EPN2: variants seen among roughly 807,000 people sequenced by gnomAD.
EPN2 encodes epsin-2.
In EPN2, 34 loss-of-function variants were observed where a neutral mutation model predicts 61.7. That is an observed-to-expected ratio of 0.55 (90% CI 0.42 to 0.73). The LOEUF (loss-of-function observed/expected upper bound fraction) is 0.73. Ranked by LOEUF, EPN2 falls within the 30% of genes least tolerant of loss-of-function variation. The probability of loss-of-function intolerance (pLI) is 0.00; values close to 1 mark genes in which losing one functional copy is unlikely to be tolerated. For synonymous variants in EPN2, 349 were observed against 353.6 expected, an observed-to-expected ratio of 0.99 and a Z score of 0.15; for missense variants, 714 against 839.2, an observed-to-expected ratio of 0.85 and a Z score of 1.84.
At chr17:19,305,915 G>A (rs1194901539) in intron 4 of EPN2, 1 of 152,204 alleles carries the variant, frequency 6.6e-6, no homozygotes, top group Non-Finnish European at 1.5e-5. Context: ...GTGACAGACT[G>A]GAAAGGATAG....
intron 1 of EPN2, among the ~76,000 whole-genome samples, chr17:19,276,780 T>G (rs1364979783): frequency 4.0e-5 from 6 of 150,072 alleles, no homozygotes; most frequent in Non-Finnish European, 7.4e-5. Flanking sequence ...TAAGTTTTTT[T>G]TTTTTTTTTT....
rs532101101 is a variant in EPN2, at chr17:19,264,081, T to C, written c.-293-17874T>C. Among the ~76,000 whole-genome samples, 4 of 152,304 alleles carry C rather than the reference T, an allele frequency of 2.6e-5. No homozygotes were observed. In the South Asian group the frequency reaches 8.3e-4, roughly 32 times the overall value. ...GTTGTCAGTGCTGGAAACGCGCCCC[T>C]TTATTATTATTTTTCTAAACAAAGC... is the stretch of plus-strand genomic sequence containing the variant. On this transcript the variant is annotated intron_variant, in intron 1 of 10. Transcript: ENST00000314728.
chr17:19,292,562 T>C (rs996329038), intron 4 of EPN2, among the ~76,000 whole-genome samples: 6 of 152,376 alleles, frequency 3.9e-5, no homozygotes, highest in Admixed American at 3.3e-4. Context: ...AATTGAGTCA[T>C]GGAGGAAGCT....
At chr17:19,246,799 C>T (rs6587062) in intron 1 of EPN2, among the ~76,000 whole-genome samples, 8,403 of 123,866 alleles carry the variant, frequency 0.068, 582 homozygotes, top group South Asian at 0.22. Flanking sequence ...AGCGGAGTCT[C>T]GCTCTGTCAC....
At chr17:19,259,406 G>A (rs1050818947) in intron 1 of EPN2, among the ~76,000 whole-genome samples, 7 of 140,086 alleles carry the variant, frequency 5.0e-5, no homozygotes, top group Non-Finnish European at 7.5e-5. Flanking sequence ...TCCACCTCCC[G>A]GGTTCACACC....
At chr17:19,310,877 C>A (rs1483154858) in intron 5 of EPN2, among the ~76,000 whole-genome samples, 1 of 152,088 alleles carries the variant, frequency 6.6e-6, no homozygotes, top group Non-Finnish European at 1.5e-5. Flanking sequence ...CGTGCCTGGC[C>A]CCCATTTTTC....
At chr17:19,322,475 G>A (rs1906684266) in intron 7 of EPN2, among the ~76,000 whole-genome samples, 2 of 152,006 alleles carry the variant, frequency 1.3e-5, no homozygotes, top group South Asian at 2.1e-4. Context: ...CAGGTGCAGT[G>A]TCTCCTTGCG....
chr17:19,318,728 A>G (rs1369400994), intron 7 of EPN2, among the ~76,000 whole-genome samples: 2 of 151,900 alleles, frequency 1.3e-5, no homozygotes, highest in Admixed American at 6.6e-5. Flanking sequence ...GTGTCAGAAG[A>G]GTCTCTGGAA....
rs567838488 is a variant in EPN2, at chr17:19,250,096, A to T, written c.-294+12565A>T. On this transcript the variant is annotated intron_variant, in intron 1 of 10. Transcript: ENST00000314728. The stretch of plus-strand genomic sequence containing the variant: ...TTAAAGTCAGCTGATTAGAAACTGA[A>T]TTTTTTTTTTTTTTTCAGACGGAGC... 5.4e-4 allele frequency among the ~76,000 whole-genome samples: 77 copies of T among 143,330 alleles called. 1 individual carries two copies. In the South Asian group the frequency reaches 8.6e-3, roughly 16 times the overall value. 94.0% of individuals were successfully genotyped at this position (143,330 alleles called of 152,430 possible).
At chr17:19,264,897 G>T (rs1007750504) in intron 1 of EPN2, among the ~76,000 whole-genome samples, 14 of 152,154 alleles carry the variant, frequency 9.2e-5, no homozygotes, top group African/African-American at 3.4e-4. Flanking sequence ...AGGAAGGAAG[G>T]AGGGTGGAGG....
chr17:19,305,116 G>T (rs1022842462), intron 4 of EPN2, among the ~76,000 whole-genome samples: 7 of 149,750 alleles, frequency 4.7e-5, no homozygotes, highest in South Asian at 2.1e-4. Flanking sequence ...AATATACTTT[G>T]GTTTTTTTTT....
intron 2 of EPN2, 26 bp from the exon 3 acceptor site, chr17:19,282,924 G>A (rs1001819834): frequency 5.4e-6 from 3 of 556,918 alleles, no homozygotes; most frequent in Non-Finnish European, 9.5e-6. Flanking sequence ...TTACGTCGCA[G>A]TGGAATGGGT....
At chr17:19,266,189 A>G (rs1329452102) in intron 1 of EPN2, among the ~76,000 whole-genome samples, 3 of 152,110 alleles carry the variant, frequency 2.0e-5, no homozygotes, top group Non-Finnish European at 2.9e-5. Context: ...CTTCCCCAGT[A>G]TTTCCCAACA....
intron 1 of EPN2, among the ~76,000 whole-genome samples, chr17:19,245,220 A>G (rs1476119135): frequency 6.6e-6 from 1 of 152,168 alleles, no homozygotes; most frequent in Non-Finnish European, 1.5e-5. Flanking sequence ...ACCCCAAGGA[A>G]GTCTGTGTGG....
intron 1 of EPN2, among the ~76,000 whole-genome samples, chr17:19,251,832 G>A (rs922468360): frequency 7.9e-5 from 12 of 152,112 alleles, no homozygotes; most frequent in Non-Finnish European, 1.8e-4. Flanking sequence ...CTTTTAGATA[G>A]TAGACTTTTT....
At chr17:19,256,573 G>A (rs769762288) in intron 1 of EPN2, among the ~76,000 whole-genome samples, 2 of 152,064 alleles carry the variant, frequency 1.3e-5, no homozygotes, top group African/African-American at 4.8e-5. Flanking sequence ...GGGACCAAAG[G>A]CCAGTGGTAT....
intron 7 of EPN2, among the ~76,000 whole-genome samples, chr17:19,321,036 G>A (rs1050239197): frequency 1.3e-5 from 2 of 152,200 alleles, no homozygotes; most frequent in Non-Finnish European, 2.9e-5. Context: ...GGGGACAGAT[G>A]CAGTCTCACA....
rs550202345 is a variant in EPN2, at chr17:19,240,637, C to T, written c.-294+3106C>T. ...CTGCTGGACTTTTAACTCATGTATT[C>T]GGTGTAAACAGACCTCTTCTGTCAA... On this transcript the variant is annotated intron_variant, in intron 1 of 10. Transcript: ENST00000314728. Among the ~76,000 whole-genome samples the T allele has an allele frequency of 2.8e-4, 42 of 152,272 alleles. 1 individual carries two copies. In the South Asian group the frequency reaches 7.9e-3, roughly 29 times the overall value.
At chr17:19,288,989 C>T (rs1311314098) in intron 4 of EPN2, among the ~76,000 whole-genome samples, 1 of 151,288 alleles carries the variant, frequency 6.6e-6, no homozygotes, top group African/African-American at 2.4e-5. Context: ...GTCAGGAGGC[C>T]ACTGTCCCCA....
Sources: gnomAD v4.1 joint callset for allele counts (sites outside exome capture counted in the v4.1 genomes callset) on GRCh38, gnomAD v4.1.1 for gene constraint, MANE v1.5 for transcripts, NCBI Gene and HGNC (gene_info 2026-07-23, HGNC 2026-07-21) for gene names.